KLHL1: variants seen among roughly 807,000 people sequenced by gnomAD.
KLHL1 encodes the protein kelch-like protein 1.
A neutral mutation model predicts 77.7 loss-of-function variants in KLHL1; 47 were observed. The observed-to-expected ratio is 0.60, with a 90% CI of 0.48 to 0.77. The LOEUF is 0.77. Among genes scored for constraint, KLHL1 ranks in the 30% least tolerant of loss-of-function variants. The pLI is 0.00. For synonymous variants in KLHL1, 360 were observed against 325.2 expected (o/e 1.11, Z -1.15); for missense variants, 925 against 910.8 (o/e 1.02, Z -0.20).
chr13:69,737,220 G>T (rs9529635), intron 8 of KLHL1, among the ~76,000 whole-genome samples: 3,778 of 152,296 alleles, frequency 0.025, 65 homozygotes, highest in Middle Eastern at 0.037. Flanking sequence ...TACCACCAGG[G>T]CCTTCAGTCA....
chr13:69,769,803 C>T (rs1875476233), intron 7 of KLHL1, among the ~76,000 whole-genome samples: 1 of 152,082 alleles, frequency 6.6e-6, no homozygotes, highest in Non-Finnish European at 1.5e-5. Flanking sequence ...CTGCCTTGCT[C>T]ACTCTCCGGT....
chr13:69,873,187 G>A lies in KLHL1; in HGVS notation c.1227+9096C>T, dbSNP rs185633861. On this transcript the variant is annotated intron_variant, in intron 5 of 10. Coordinates refer to ENST00000377844, the MANE Select transcript of KLHL1 (RefSeq NM_020866.3). ...TTCCATGATCAAATAGTGAACTAAT[G>A]TTAGTCAAAAGTAGGATCCAAATAA... is the stretch of plus-strand genomic sequence containing the variant. Among the ~76,000 whole-genome samples the A allele has an allele frequency of 2.7e-3, 412 of 152,214 alleles. 2 individuals carry two copies. Among genetic ancestry groups the A allele is most frequent in the Non-Finnish European group, 4.7e-3 (321 of 68,022 alleles).
At chr13:69,778,792 C>CTTTTTTTT (rs1172258314) in intron 7 of KLHL1, among the ~76,000 whole-genome samples, 11 of 99,190 alleles carry the variant, frequency 1.1e-4, no homozygotes, top group African/African-American at 2.1e-4. Flanking sequence ...TATTCCCTCT[C>CTTTTTTTT]TTTTTTTTTT....
At chr13:69,999,590 G>T (rs1885237262) in intron 1 of KLHL1, among the ~76,000 whole-genome samples, 1 of 151,964 alleles carries the variant, frequency 6.6e-6, no homozygotes, top group Non-Finnish European at 1.5e-5. Context: ...CAATAACTAA[G>T]CAAAAATCAG....
intron 4 of KLHL1, among the ~76,000 whole-genome samples, chr13:69,936,152 T>C (rs925536628): frequency 6.6e-6 from 1 of 152,164 alleles, no homozygotes; most frequent in African/African-American, 2.4e-5. Context: ...GATAATGGAT[T>C]CCAACAAGAG....
At chr13:69,997,276 TTC>T (rs1324209412) in intron 1 of KLHL1, among the ~76,000 whole-genome samples, 14 of 119,912 alleles carry the variant, frequency 1.2e-4, no homozygotes, top group South Asian at 4.9e-4. Flanking sequence ...ATTTTATTTT[TTC>T]TTTTTTATTT....
intron 1 of KLHL1, among the ~76,000 whole-genome samples, chr13:70,008,708 T>C (rs894827842): frequency 1.1e-4 from 16 of 152,172 alleles, no homozygotes; most frequent in African/African-American, 3.6e-4. Flanking sequence ...TGATCATTTA[T>C]ATTTTTGTAG....
intron 4 of KLHL1, among the ~76,000 whole-genome samples, chr13:69,892,474 C>A (rs1881458186): frequency 6.6e-6 from 1 of 152,070 alleles, no homozygotes; most frequent in African/African-American, 2.4e-5. Context: ...GCTTTTCCTG[C>A]TCTAGGACAT....
chr13:69,718,889 T>C (rs147778191), intron 9 of KLHL1, among the ~76,000 whole-genome samples: 184 of 152,226 alleles, frequency 1.2e-3, no homozygotes, highest in African/African-American at 4.2e-3. Flanking sequence ...TTAAAAATGG[T>C]ATGTCATAAA....
chr13:69,952,799 T>A (rs531828378), intron 3 of KLHL1, among the ~76,000 whole-genome samples: 1 of 151,448 alleles, frequency 6.6e-6, no homozygotes, highest in Admixed American at 6.6e-5. Flanking sequence ...GACTCTTCAT[T>A]AAAAATGGCT....
intron 5 of KLHL1, among the ~76,000 whole-genome samples, chr13:69,873,386 C>T (rs2138179491): frequency 6.6e-6 from 1 of 152,280 alleles, no homozygotes; most frequent in Admixed American, 6.5e-5. Context: ...TCTATTCTCT[C>T]TCTCTCAAAT....
intron 3 of KLHL1, among the ~76,000 whole-genome samples, chr13:69,949,190 A>G (rs1311565641): frequency 1.3e-5 from 2 of 151,602 alleles, no homozygotes; most frequent in Non-Finnish European, 2.9e-5. Context: ...CTTCCTTTAC[A>G]TTCCTTAGAT....
At chr13:69,867,098 A>T (rs1005339428) in intron 5 of KLHL1, among the ~76,000 whole-genome samples, 8 of 152,136 alleles carry the variant, frequency 5.3e-5, no homozygotes, top group African/African-American at 1.9e-4. Flanking sequence ...TACAGTAGGA[A>T]TGGATAGCCT....
intron 1 of KLHL1, among the ~76,000 whole-genome samples, chr13:70,058,636 C>T (rs1013301022): frequency 1.3e-5 from 2 of 152,088 alleles, no homozygotes; most frequent in African/African-American, 2.4e-5. Context: ...TTAAAATGTA[C>T]TACACAAGCA....
Position 69,849,063 on chromosome 13 carries a change from C to G in KLHL1, c.1228-9901G>C, listed in dbSNP as rs149446453. 4.2e-3 allele frequency among the ~76,000 whole-genome samples: 632 copies of G among 151,636 alleles called. 4 individuals carry two copies. Among genetic ancestry groups the G allele is most frequent in the African/African-American group, 0.014 (576 of 41,492 alleles). On this transcript the variant is annotated intron_variant, in intron 5 of 10. Transcript: ENST00000377844. ...TTCATCCTTAATGATTTAATTGCAT[C>G]CGATTTGGGCTCAGCACTTTTCATT...
chr13:69,846,052 A>G (rs1339963933), intron 5 of KLHL1, among the ~76,000 whole-genome samples: 1 of 151,576 alleles, frequency 6.6e-6, no homozygotes, highest in Non-Finnish European at 1.5e-5. Flanking sequence ...GGTAACCTGG[A>G]GATAATAATA....
At chr13:70,075,569 G>GTATATATATATATA (rs1555295388) in intron 1 of KLHL1, among the ~76,000 whole-genome samples, 7,433 of 105,558 alleles carry the variant, frequency 0.07, 461 homozygotes, top group Non-Finnish European at 0.1. Context: ...GTGTGTATGT[G>GTATATATATATATA]TATATATATA....
At chr13:69,732,028 C>T (rs1873568255) in intron 8 of KLHL1, among the ~76,000 whole-genome samples, 1 of 151,852 alleles carries the variant, frequency 6.6e-6, no homozygotes, top group African/African-American at 2.4e-5. Context: ...CAAGATAACA[C>T]ACTCAAAATA....
chr13:69,757,618 G>C (rs150340832), intron 7 of KLHL1, among the ~76,000 whole-genome samples: 1 of 152,238 alleles, frequency 6.6e-6, no homozygotes, highest in East Asian at 1.9e-4. Context: ...ATTTGGGGAT[G>C]GCTGTCAAAT....
Sources: allele counts gnomAD v4.1 joint callset (sites outside exome capture counted in the v4.1 genomes callset), GRCh38; gene constraint gnomAD v4.1.1; transcripts MANE v1.5; gene names NCBI Gene and HGNC (gene_info 2026-07-23, HGNC 2026-07-21).